The following TBCD variants were observed in gnomAD, a reference collection of about 807,000 sequenced individuals.
The protein encoded by TBCD is tubulin-specific chaperone D.
Under a neutral mutation model 169.3 loss-of-function variants are expected in TBCD, and 105 were observed. The observed-to-expected ratio is 0.62, with a 90% confidence interval of 0.53 to 0.73. The LOEUF (loss-of-function observed/expected upper bound fraction) is 0.73. TBCD is among the 30% of genes least tolerant of loss of function. The pLI is 0.00. For missense variants in TBCD, 1,444 were observed against 1,600.1 expected (o/e 0.90, Z 1.66); for synonymous variants, 700 against 643.9 (o/e 1.09, Z -1.32).
At chr17:82,885,048 C>G (rs2058629916) in intron 15 of TBCD, 1 of 152,442 alleles carries the variant, frequency 6.6e-6, no homozygotes, top group East Asian at 1.9e-4. Context: ...ACTCTGTGTG[C>G]AGGCTCAGCA....
intron 6 of TBCD, among the ~76,000 whole-genome samples, chr17:82,777,239 A>G (rs2048656384): frequency 1.3e-5 from 2 of 152,216 alleles, no homozygotes; most frequent in African/African-American, 4.8e-5. Context: ...TTTGGTCTAC[A>G]GTAGAACCCC....
intron 13 of TBCD, among the ~76,000 whole-genome samples, chr17:82,851,758 A>T (rs1224233212): frequency 1.3e-5 from 2 of 152,216 alleles, no homozygotes; most frequent in Non-Finnish European, 2.9e-5. Flanking sequence ...AGAAAGCAGG[A>T]GCCTTACACA....
At chr17:82,781,096 T>C (rs2048917120) in intron 6 of TBCD, among the ~76,000 whole-genome samples, 1 of 151,824 alleles carries the variant, frequency 6.6e-6, no homozygotes. Context: ...AGCAGCTGGC[T>C]GTGGAAACAG....
chr17:82,928,125 GTCCCT>G, intron 30 of TBCD, 137 bp downstream of exon 30: 3 of 758,030 alleles, frequency 4.0e-6, no homozygotes, highest in Non-Finnish European at 4.4e-6. Context: ...AGCCTCTCTG[GTCCCT>G]GACCCCAGGT....
chr17:82,784,869 C>T (rs919961257), intron 7 of TBCD, among the ~76,000 whole-genome samples: 6 of 152,202 alleles, frequency 3.9e-5, no homozygotes, highest in Admixed American at 6.5e-5. Flanking sequence ...CGCAGCTCCC[C>T]GAACCATTGC....
At chr17:82,753,443 C>T (rs2248533) in intron 1 of TBCD, among the ~76,000 whole-genome samples, 74,394 of 127,814 alleles carry the variant, frequency 0.58, 20,512 homozygotes, top group South Asian at 0.69. Flanking sequence ...CCAATGGCTT[C>T]TTCCTTTTTT....
intron 14 of TBCD, among the ~76,000 whole-genome samples, chr17:82,871,991 A>T (rs2057603150): frequency 6.6e-6 from 1 of 151,578 alleles, no homozygotes; most frequent in South Asian, 2.1e-4. Context: ...TCTCGGTGAC[A>T]GGCGCTTTTC....
At chr17:82,879,118 C>T (rs1349759991) in intron 14 of TBCD, among the ~76,000 whole-genome samples, 1 of 142,784 alleles carries the variant, frequency 7.0e-6, no homozygotes, top group Admixed American at 7.3e-5. Context: ...TCTGGCACCA[C>T]AAGATGCACC....
chr17:82,863,280 C>T (rs933128816), intron 13 of TBCD, among the ~76,000 whole-genome samples: 14 of 152,094 alleles, frequency 9.2e-5, no homozygotes, highest in African/African-American at 3.4e-4. Context: ...AGCATTTCTT[C>T]CCAGGGCTTT....
At chr17:82,940,768 A>C (rs906213589) in intron 37 of TBCD, among the ~76,000 whole-genome samples, 18 of 152,110 alleles carry the variant, frequency 1.2e-4, no homozygotes, top group Non-Finnish European at 2.2e-4. Flanking sequence ...TTAAAAAAAA[A>C]CACCAAGGTG....
At chr17:82,804,235 C>T (rs1021700059) in intron 9 of TBCD, among the ~76,000 whole-genome samples, 3 of 152,052 alleles carry the variant, frequency 2.0e-5, no homozygotes, top group Non-Finnish European at 2.9e-5. Flanking sequence ...GTCTCCGCCA[C>T]GGTCCTAAGA....
At position 82,752,134 on chromosome 17, in the gene TBCD, C is replaced by A. The variant is rs1284353134; in HGVS notation, c.-60C>A. 6.9e-7 allele frequency: 1 copy of A among 1,440,014 alleles called. No individual in the cohort carries two copies. Among genetic ancestry groups the A allele is most frequent in the Non-Finnish European group, 9.1e-7 (1 of 1,098,856 alleles). 89.2% of individuals were successfully genotyped at this position (1,440,014 alleles called of 1,614,324 possible). On this transcript the variant is annotated 5_prime_UTR_variant, in exon 1 of 39. Transcript: ENST00000355528. ...TCATCCTTCATCCCTGGCTTTCGCG[C>A]TCTAGCGGAGTGGGATCTGCGAACA...
chr17:82,856,792 TCGCTGCG>T (rs2056330781), intron 13 of TBCD, among the ~76,000 whole-genome samples: 1 of 140,420 alleles, frequency 7.1e-6, no homozygotes, highest in Non-Finnish European at 1.6e-5. Context: ...GTGCGGACCC[TCGCTGCG>T]CATCCAGGGC....
intron 14 of TBCD, among the ~76,000 whole-genome samples, chr17:82,883,451 G>A (rs942966886): frequency 4.6e-5 from 7 of 152,254 alleles, no homozygotes; most frequent in African/African-American, 1.7e-4. Flanking sequence ...TCTCACAAGA[G>A]GACATAATGA....
chr17:82,771,767 C>T (rs2048322854), intron 5 of TBCD, among the ~76,000 whole-genome samples: 1 of 152,080 alleles, frequency 6.6e-6, no homozygotes. Flanking sequence ...GGTGACAGAG[C>T]GAGACCCGGT....
intron 13 of TBCD, among the ~76,000 whole-genome samples, chr17:82,861,083 C>T (rs2056718902): frequency 6.6e-6 from 1 of 152,060 alleles, no homozygotes; most frequent in Non-Finnish European, 1.5e-5. Flanking sequence ...AGCTTTGTCC[C>T]AGGTGCTGCA....
chr17:82,759,668 C>T (rs1274509890), intron 2 of TBCD, among the ~76,000 whole-genome samples: 1 of 152,090 alleles, frequency 6.6e-6, no homozygotes, highest in Admixed American at 6.6e-5. Flanking sequence ...CTATCAGTTT[C>T]TTTGTGTTTG....
rs893542479 is a variant in TBCD, at chr17:82,880,210, C to T, written c.1476-3935C>T. ...TTATCAGTCTGTCTAGATGGGGTCT[C>T]GCTGTGTTGCCCAGACTGTACTCAA... On this transcript the variant is annotated intron_variant, in intron 14 of 38. Transcript: ENST00000355528. This position sits in a 1 kb window ranked among gnomAD's most constrained non-coding sequence, Gnocchi z 5.0. Among the ~76,000 whole-genome samples the T allele has an allele frequency of 2.6e-5, 4 of 152,154 alleles. No homozygotes were observed. The highest frequency in any genetic ancestry group is 4.8e-5 in the African/African-American group (2 of 41,416).
chr17:82,858,697 C>T (rs1336233829), intron 13 of TBCD: 7 of 974,036 alleles, frequency 7.2e-6, no homozygotes, highest in Non-Finnish European at 8.5e-6. Context: ...CTTGTACTTA[C>T]CTTCATATTT....
Sources: gnomAD v4.1 joint callset for allele counts (sites outside exome capture counted in the v4.1 genomes callset) on GRCh38, gnomAD v4.1.1 for gene constraint, Gnocchi (gnomAD v3.1) non-coding constraint, MANE v1.5 for transcripts, NCBI Gene and HGNC (gene_info 2026-07-23, HGNC 2026-07-21) for gene names.